The following IL1RAPL2 variants were observed in gnomAD, a reference collection of about 807,000 sequenced individuals.
IL1RAPL2 encodes X-linked interleukin-1 receptor accessory protein-like 2.
In IL1RAPL2, 3 loss-of-function variants were observed where a neutral mutation model predicts 44.1. The observed-to-expected ratio is 0.07, with a 90% CI of 0.03 to 0.18. The LOEUF (loss-of-function observed/expected upper bound fraction) is 0.18. Among genes scored for constraint, IL1RAPL2 ranks in the 10% least tolerant of loss-of-function variants. The pLI, the probability that IL1RAPL2 is intolerant of heterozygous loss-of-function variation, is 1.00. For missense variants in IL1RAPL2, 391 were observed against 496.4 expected, an observed-to-expected ratio of 0.79 and a Z score of 2.02; for synonymous variants, 181 against 178.8, an observed-to-expected ratio of 1.01 and a Z score of -0.10.
intron 2 of IL1RAPL2, among the ~76,000 whole-genome samples, chrX:105,044,989 A>G (rs1300273376): frequency 9.0e-6 from 1 of 111,727 alleles, no homozygotes; most frequent in Non-Finnish European, 1.9e-5. Context: ...CAGAGGACAG[A>G]TAACTCTAAG....
chrX:105,216,316 A>G (rs1368493866), intron 3 of IL1RAPL2, among the ~76,000 whole-genome samples: 3 of 110,954 alleles, frequency 2.7e-5, no homozygotes, highest in Non-Finnish European at 5.7e-5. Context: ...TACACCAACA[A>G]TAGTCAAGCA....
rs144657613 is a variant in IL1RAPL2 at position 105,410,235 on chromosome X, A to G, written c.698-74078A>G. On this transcript the variant is annotated intron_variant, in intron 5 of 10. Transcript: ENST00000372582. ...GTAGAAGTCAAGGCAGTAGATCCAT[A>G]TATGGGAGTCATCAGTATCTATATG... Among the ~76,000 whole-genome samples, 3 of 110,594 alleles carry G rather than the reference A, an allele frequency of 2.7e-5. No homozygotes were observed. The Admixed American group carries it at 2.9e-4, about 11-fold the overall frequency.
chrX:104,650,960 A>G (rs939116814), intron 1 of IL1RAPL2, among the ~76,000 whole-genome samples: 1 of 111,845 alleles, frequency 8.9e-6, no homozygotes, highest in African/African-American at 3.2e-5. Flanking sequence ...TTTCCTGAAA[A>G]GTAAAATGGA....
At chrX:104,617,453 T>C (rs1473869765) in intron 1 of IL1RAPL2, among the ~76,000 whole-genome samples, 2 of 112,408 alleles carry the variant, frequency 1.8e-5, no homozygotes, top group Non-Finnish European at 3.8e-5. Context: ...TTCCCTCAAA[T>C]ATGTTTTCCA....
chrX:105,428,967 A>G (rs2035829899), intron 5 of IL1RAPL2, among the ~76,000 whole-genome samples: 1 of 111,586 alleles, frequency 9.0e-6, no homozygotes, highest in African/African-American at 3.2e-5. Flanking sequence ...AGATGGAGAC[A>G]CGTTCTGCCC....
chrX:105,375,810 T>C (rs1221023830), intron 5 of IL1RAPL2, among the ~76,000 whole-genome samples: 1 of 111,940 alleles, frequency 8.9e-6, no homozygotes, highest in Non-Finnish European at 1.9e-5. Context: ...GATTACATAA[T>C]GGTATTTATT....
At chrX:104,906,658 A>C (rs1006634030) in intron 2 of IL1RAPL2, among the ~76,000 whole-genome samples, 2 of 111,851 alleles carry the variant, frequency 1.8e-5, no homozygotes, top group African/African-American at 6.5e-5. Flanking sequence ...GATGAAGCCC[A>C]CTTGATCATG....
intron 5 of IL1RAPL2, among the ~76,000 whole-genome samples, chrX:105,470,884 T>C (rs2036161459): frequency 9.0e-6 from 1 of 111,525 alleles, no homozygotes; most frequent in African/African-American, 3.3e-5. Context: ...TGTATCTCTA[T>C]CTACCCTACT....
intron 10 of IL1RAPL2, among the ~76,000 whole-genome samples, chrX:105,761,964 G>A (rs1051096978): frequency 8.9e-6 from 1 of 111,836 alleles, no homozygotes; most frequent in Admixed American, 9.5e-5. Flanking sequence ...AGACCACATA[G>A]AAATTCATGA....
chrX:104,704,882 A>T (rs1931339217), intron 2 of IL1RAPL2, among the ~76,000 whole-genome samples: 1 of 111,385 alleles, frequency 9.0e-6, no homozygotes, highest in Non-Finnish European at 1.9e-5. Flanking sequence ...CCTCTATTAG[A>T]CTCTGATGAG....
intron 6 of IL1RAPL2, among the ~76,000 whole-genome samples, chrX:105,617,111 A>G (rs2037383279): frequency 1.8e-5 from 2 of 110,904 alleles, no homozygotes; most frequent in South Asian, 7.7e-4. Flanking sequence ...CATAGCAAAC[A>G]CTTATTAAAC....
At chrX:104,676,176 T>G (rs929394017) in intron 2 of IL1RAPL2, among the ~76,000 whole-genome samples, 3 of 111,350 alleles carry the variant, frequency 2.7e-5, no homozygotes, top group Non-Finnish European at 3.8e-5. Flanking sequence ...CGTTAGTTGA[T>G]GCAGTTTCTT....
chrX:104,627,876 T>G (rs1363589702), intron 1 of IL1RAPL2, among the ~76,000 whole-genome samples: 2 of 111,125 alleles, frequency 1.8e-5, no homozygotes, highest in African/African-American at 6.5e-5. Flanking sequence ...ACTTGGTATA[T>G]AATCTAGAAC....
intron 2 of IL1RAPL2, among the ~76,000 whole-genome samples, chrX:104,665,600 T>G (rs1228605062): frequency 9.0e-6 from 1 of 111,465 alleles, no homozygotes; most frequent in Non-Finnish European, 1.9e-5. Flanking sequence ...ATAGATGATT[T>G]ATGTATCCTA....
At chrX:105,542,309 A>C (rs750601394) in intron 6 of IL1RAPL2, among the ~76,000 whole-genome samples, 4 of 112,358 alleles carry the variant, frequency 3.6e-5, no homozygotes, top group Non-Finnish European at 5.6e-5. Flanking sequence ...ATGATGCTAC[A>C]TTTAAAGATC....
At chrX:104,683,957 T>C (rs1441586370) in intron 2 of IL1RAPL2, among the ~76,000 whole-genome samples, 1 of 111,787 alleles carries the variant, frequency 8.9e-6, no homozygotes, top group Non-Finnish European at 1.9e-5. Flanking sequence ...CTATAAATGA[T>C]TGCCTGCTTA....
At chrX:105,102,979 C>G (rs750280169) in intron 2 of IL1RAPL2, among the ~76,000 whole-genome samples, 1 of 111,492 alleles carries the variant, frequency 9.0e-6, no homozygotes, top group East Asian at 2.8e-4. Context: ...ATGAGGAAGC[C>G]TGGAAGAGGT....
chrX:104,959,636 T>C (rs1397968689), intron 2 of IL1RAPL2, among the ~76,000 whole-genome samples: 1 of 111,602 alleles, frequency 9.0e-6, no homozygotes, highest in Non-Finnish European at 1.9e-5. Flanking sequence ...CATTTGAGGG[T>C]ACCAATTGGG....
At chrX:105,388,456 A>G (rs1036195087) in intron 5 of IL1RAPL2, among the ~76,000 whole-genome samples, 1 of 104,383 alleles carries the variant, frequency 9.6e-6, no homozygotes, top group African/African-American at 3.7e-5. Context: ...ATTTTCTGCA[A>G]ACATTATTTT....
Sources: allele counts gnomAD v4.1 joint callset (sites outside exome capture counted in the v4.1 genomes callset), GRCh38; gene constraint gnomAD v4.1.1; transcripts MANE v1.5; gene names NCBI Gene and HGNC (gene_info 2026-07-23, HGNC 2026-07-21).